The following PITPNC1 variants were observed in gnomAD, a reference collection of about 807,000 sequenced individuals.
The protein encoded by PITPNC1 is phosphatidylinositol transfer protein cytoplasmic 1, also known as cytoplasmic phosphatidylinositol transfer protein 1.
A neutral mutation model predicts 44.7 loss-of-function variants in PITPNC1; 18 were observed. The observed-to-expected ratio is 0.40, with a 90% CI of 0.28 to 0.60. The LOEUF (loss-of-function observed/expected upper bound fraction) is 0.60, where lower values mean the gene tolerates loss of function less well. PITPNC1 is among the 20% of genes least tolerant of loss of function. PITPNC1 has a pLI of 0.39. For synonymous variants in PITPNC1, 141 were observed against 149.6 expected (o/e 0.94, Z 0.42); for missense variants, 290 against 418.4 (o/e 0.69, Z 2.68).
At chr17:67,430,412 C>T (rs757279888) in intron 1 of PITPNC1, among the ~76,000 whole-genome samples, 2 of 151,756 alleles carry the variant, frequency 1.3e-5, no homozygotes, top group Non-Finnish European at 2.9e-5. Context: ...CGCTTGAACT[C>T]GGGAGGTGGA....
chr17:67,623,335 G>C (rs1335977425), intron 5 of PITPNC1, among the ~76,000 whole-genome samples: 1 of 151,956 alleles, frequency 6.6e-6, no homozygotes, highest in Non-Finnish European at 1.5e-5. Flanking sequence ...CCCACCACCT[G>C]CCCAGCCCTT....
At chr17:67,403,221 A>C (rs1172713442) in intron 1 of PITPNC1, among the ~76,000 whole-genome samples, 1 of 112,092 alleles carries the variant, frequency 8.9e-6, no homozygotes, top group African/African-American at 5.7e-5. Context: ...ATCTCTACAA[A>C]AAAAAAAAAA....
intron 1 of PITPNC1, among the ~76,000 whole-genome samples, chr17:67,446,998 G>A (rs1352295571): frequency 6.9e-6 from 1 of 145,436 alleles, no homozygotes; most frequent in Non-Finnish European, 1.5e-5. Context: ...GCTGAGGCAG[G>A]AGAATCGCTT....
intron 5 of PITPNC1, among the ~76,000 whole-genome samples, chr17:67,582,381 C>G (rs2041247072): frequency 6.6e-6 from 1 of 152,196 alleles, no homozygotes; most frequent in Non-Finnish European, 1.5e-5. Context: ...TATCATTCAG[C>G]TACCATCCTT....
At chr17:67,680,704 C>G (rs2042687592) in intron 8 of PITPNC1, among the ~76,000 whole-genome samples, 1 of 151,976 alleles carries the variant, frequency 6.6e-6, no homozygotes, top group South Asian at 2.1e-4. Flanking sequence ...TGGCTACTTT[C>G]ACTACAAAAA....
At chr17:67,444,995 T>G (rs560857080) in intron 1 of PITPNC1, among the ~76,000 whole-genome samples, 1 of 105,884 alleles carries the variant, frequency 9.4e-6, no homozygotes, top group African/African-American at 3.9e-5. Flanking sequence ...GGTACAGATG[T>G]TTATATGTCT....
intron 1 of PITPNC1, among the ~76,000 whole-genome samples, chr17:67,514,106 G>A (rs1568021845): frequency 6.6e-6 from 1 of 152,158 alleles, no homozygotes; most frequent in Non-Finnish European, 1.5e-5. Context: ...GCAGTTGACT[G>A]TGAGGGAGAG....
At chr17:67,557,678 T>C (rs1421810196) in intron 4 of PITPNC1, among the ~76,000 whole-genome samples, 2 of 152,232 alleles carry the variant, frequency 1.3e-5, no homozygotes, top group Non-Finnish European at 2.9e-5. Flanking sequence ...GATTCAGCCG[T>C]GTTCTCACGC....
intron 5 of PITPNC1, among the ~76,000 whole-genome samples, chr17:67,629,966 T>C (rs2041945394): frequency 1.3e-5 from 2 of 152,174 alleles, no homozygotes; most frequent in Non-Finnish European, 2.9e-5. Context: ...TAGAAAAGAA[T>C]AGGCAAGAAG....
At chr17:67,591,119 AAAACAAACAAAC>A (rs577857241) in intron 5 of PITPNC1, among the ~76,000 whole-genome samples, 3 of 152,116 alleles carry the variant, frequency 2.0e-5, no homozygotes, top group African/African-American at 7.2e-5. Context: ...GTTCTTGTCA[AAAACAAACAAAC>A]AAACAAACAA....
chr17:67,430,429 A>G (rs111249629), intron 1 of PITPNC1, among the ~76,000 whole-genome samples: 62 of 151,130 alleles, frequency 4.1e-4, no homozygotes, highest in Non-Finnish European at 7.2e-4. Flanking sequence ...TGGAGGTTGC[A>G]GTGAGCTGAG....
intron 1 of PITPNC1, chr17:67,471,482 C>T (rs1219086862): frequency 2.9e-6 from 1 of 345,656 alleles, no homozygotes; most frequent in Non-Finnish European, 5.6e-6. Context: ...TCCTTTTAAA[C>T]TTTTTATTTT....
intron 6 of PITPNC1, among the ~76,000 whole-genome samples, chr17:67,662,696 G>C (rs1024031455): frequency 6.6e-5 from 10 of 152,120 alleles, no homozygotes; most frequent in Admixed American, 6.6e-4. Flanking sequence ...GGCCTTTGGT[G>C]GTTGGCTTCT....
chr17:67,413,420 T>G (rs2038536970), intron 1 of PITPNC1, among the ~76,000 whole-genome samples: 1 of 151,776 alleles, frequency 6.6e-6, no homozygotes. Flanking sequence ...TTTCTTTCTT[T>G]CTTTCTTTCT....
chr17:67,597,160 C>T lies in PITPNC1; in HGVS notation c.366+18903C>T, dbSNP rs2041470188. ...GCCCCCACCTTGGCCTCCCAAACTG[C>T]TGGGATTATAGGCATGAGCCACCAT... On this transcript the variant is annotated intron_variant, in intron 5 of 8. Coordinates refer to ENST00000581322, the MANE Select transcript of PITPNC1 (RefSeq NM_012417.4). This position sits in a 1 kb window ranked among gnomAD's most constrained non-coding sequence, Gnocchi z 4.0. 6.6e-6 allele frequency among the ~76,000 whole-genome samples: 1 copy of T among 152,150 alleles called. No individual in the cohort carries two copies. The highest frequency in any genetic ancestry group is 2.1e-4 in the South Asian group (1 of 4,820).
At chr17:67,530,808 A>G (rs2040451428) in intron 1 of PITPNC1, among the ~76,000 whole-genome samples, 1 of 152,248 alleles carries the variant, frequency 6.6e-6, no homozygotes, top group African/African-American at 2.4e-5. Flanking sequence ...TCTCACAGGT[A>G]GAGCTCACAA....
At chr17:67,691,101 T>C (rs2042919346) in intron 8 of PITPNC1, among the ~76,000 whole-genome samples, 1 of 83,872 alleles carries the variant, frequency 1.2e-5, no homozygotes, top group African/African-American at 5.4e-5. Flanking sequence ...AGACTCTATC[T>C]CAAATAAATA....
At chr17:67,649,529 A>C (rs546745147) in intron 6 of PITPNC1, among the ~76,000 whole-genome samples, 4 of 150,338 alleles carry the variant, frequency 2.7e-5, no homozygotes, top group Admixed American at 2.0e-4. Context: ...CAATTCAATT[A>C]GACACTGTCT....
At chr17:67,678,025 C>T (rs898400633) in intron 8 of PITPNC1, among the ~76,000 whole-genome samples, 7 of 151,830 alleles carry the variant, frequency 4.6e-5, no homozygotes, top group Non-Finnish European at 8.8e-5. Context: ...CCAGCATGGG[C>T]GACATAGCAA....
Sources: allele counts gnomAD v4.1 joint callset (sites outside exome capture counted in the v4.1 genomes callset), GRCh38; gene constraint gnomAD v4.1.1; non-coding constraint Gnocchi (gnomAD v3.1); transcripts MANE v1.5; gene names NCBI Gene and HGNC (gene_info 2026-07-23, HGNC 2026-07-21).